PTPRE: variants seen among roughly 807,000 people sequenced by gnomAD.
PTPRE encodes receptor-type tyrosine-protein phosphatase epsilon.
A neutral mutation model predicts 102.0 loss-of-function variants in PTPRE; 51 were observed. That is an observed-to-expected ratio of 0.50 (90% CI 0.40 to 0.63). The LOEUF (loss-of-function observed/expected upper bound fraction) is 0.63, where lower values mean the gene tolerates loss of function less well. Ranked by LOEUF, PTPRE falls within the 30% of genes least tolerant of loss-of-function variation. PTPRE has a pLI of 0.00. For missense variants in PTPRE, 752 were observed against 915.1 expected (o/e 0.82, Z 2.30); for synonymous variants, 345 against 348.2 (o/e 0.99, Z 0.10).
intron 2 of PTPRE, among the ~76,000 whole-genome samples, chr10:127,992,593 G>A (rs1852788196): frequency 6.6e-6 from 1 of 152,158 alleles, no homozygotes; most frequent in East Asian, 1.9e-4. Context: ...GGGCCTCGGG[G>A]CACTCAGGAA....
chr10:127,910,060 T>C (rs1589708151), intron 1 of PTPRE, among the ~76,000 whole-genome samples: 1 of 152,234 alleles, frequency 6.6e-6, no homozygotes, highest in Non-Finnish European at 1.5e-5. Flanking sequence ...CTTTTTCATT[T>C]ATAACATTTG....
chr10:128,067,813 G>A (rs530117097), intron 11 of PTPRE, among the ~76,000 whole-genome samples: 1 of 152,310 alleles, frequency 6.6e-6, no homozygotes, highest in East Asian at 1.9e-4. Context: ...GGCCATGGCC[G>A]CCCTGCTTGC....
At chr10:127,966,444 A>G (rs1393139738) in intron 1 of PTPRE, among the ~76,000 whole-genome samples, 1 of 152,202 alleles carries the variant, frequency 6.6e-6, no homozygotes, top group East Asian at 1.9e-4. Context: ...GGCCATGATA[A>G]AAATCAGTAT....
At chr10:128,023,368 C>T (rs868575050) in intron 2 of PTPRE, among the ~76,000 whole-genome samples, 10 of 151,354 alleles carry the variant, frequency 6.6e-5, no homozygotes, top group African/African-American at 1.9e-4. Flanking sequence ...ATACATAGTA[C>T]GTATAGGAAA....
intron 2 of PTPRE, among the ~76,000 whole-genome samples, chr10:128,018,543 G>A (rs1845615839): frequency 6.6e-6 from 1 of 152,208 alleles, no homozygotes; most frequent in Non-Finnish European, 1.5e-5. Context: ...CCTAGAGCAG[G>A]AGGCGGTGTT....
intron 15 of PTPRE, chr10:128,071,565 C>T (rs1040181165): frequency 6.4e-6 from 1 of 155,194 alleles, no homozygotes; most frequent in African/African-American, 2.4e-5. Context: ...AAACCCGGCC[C>T]CAAAGCAGAC....
intron 20 of PTPRE, among the ~76,000 whole-genome samples, chr10:128,080,910 A>G (rs1461687612): frequency 6.6e-6 from 1 of 152,216 alleles, no homozygotes; most frequent in South Asian, 2.1e-4. Flanking sequence ...GCGCAGTGCA[A>G]CCAGGTGCCT....
At chr10:127,996,732 C>T (rs558954590) in intron 2 of PTPRE, among the ~76,000 whole-genome samples, 82 of 152,322 alleles carry the variant, frequency 5.4e-4, no homozygotes, top group African/African-American at 1.9e-3. Flanking sequence ...CAGGCACACG[C>T]AGGCTCCGAG....
intron 1 of PTPRE, among the ~76,000 whole-genome samples, chr10:127,947,110 A>G (rs954585621): frequency 2.4e-4 from 36 of 152,076 alleles, no homozygotes; most frequent in African/African-American, 8.0e-4. Context: ...GGTTTACGCC[A>G]TGGGACAGCC....
chr10:128,033,070 A>G (rs1846907066), intron 2 of PTPRE, among the ~76,000 whole-genome samples: 1 of 152,234 alleles, frequency 6.6e-6, no homozygotes. Context: ...GTCGCTGACC[A>G]CGTAGAAGCC....
At chr10:127,925,275 A>T (rs1243456467) in intron 1 of PTPRE, among the ~76,000 whole-genome samples, 1 of 152,194 alleles carries the variant, frequency 6.6e-6, no homozygotes, top group South Asian at 2.1e-4. Flanking sequence ...TGTCTTTAGG[A>T]CCTAGCCTGG....
intron 2 of PTPRE, among the ~76,000 whole-genome samples, chr10:127,995,941 G>A (rs558903064): frequency 2.0e-5 from 3 of 152,208 alleles, no homozygotes; most frequent in Admixed American, 6.5e-5. Context: ...ATGGAGGGGG[G>A]CTTTCTTTGA....
chr10:127,991,541 C>A (rs137941750), intron 2 of PTPRE, among the ~76,000 whole-genome samples: 4 of 152,306 alleles, frequency 2.6e-5, no homozygotes, highest in Admixed American at 2.6e-4. Context: ...ATGGAATGCT[C>A]TCTAGAAAAG....
intron 1 of PTPRE, among the ~76,000 whole-genome samples, chr10:127,914,361 G>C (rs146631849): frequency 6.6e-6 from 1 of 152,298 alleles, no homozygotes; most frequent in African/African-American, 2.4e-5. Context: ...ACACAGCACA[G>C]GTGGAAATAC....
chr10:127,925,386 G>C (rs1282565023), intron 1 of PTPRE, among the ~76,000 whole-genome samples: 2 of 152,192 alleles, frequency 1.3e-5, no homozygotes, highest in Non-Finnish European at 2.9e-5. Context: ...AGTATGTATG[G>C]GTGAGGGATC....
chr10:127,913,145 C>T (rs889243428), intron 1 of PTPRE, among the ~76,000 whole-genome samples: 8 of 152,106 alleles, frequency 5.3e-5, no homozygotes, highest in African/African-American at 1.2e-4. Context: ...GCACGGGGAT[C>T]GGTGGAGGTG....
At chr10:128,060,801 T>C (rs11016046) in intron 7 of PTPRE, 138 bp from the exon 8 acceptor site, 571,999 of 701,966 alleles carry the variant, frequency 0.81, 234,410 homozygotes, top group African/African-American at 0.93. Flanking sequence ...CTGCCATCCC[T>C]GGTGTCGCTG....
At chr10:128,021,155 A>G (rs1355103790) in intron 2 of PTPRE, among the ~76,000 whole-genome samples, 2 of 152,140 alleles carry the variant, frequency 1.3e-5, no homozygotes, top group African/African-American at 4.8e-5. Context: ...TTGGCCTCCC[A>G]AAGTGCTGGG....
chr10:128,056,802 A>T (rs1244160564), intron 7 of PTPRE, among the ~76,000 whole-genome samples: 1 of 151,102 alleles, frequency 6.6e-6, no homozygotes, highest in Non-Finnish European at 1.5e-5. Flanking sequence ...GAGCAGACGG[A>T]TGTGTGCGGG....
Sources: allele counts gnomAD v4.1 joint callset (sites outside exome capture counted in the v4.1 genomes callset), GRCh38; gene constraint gnomAD v4.1.1; transcripts MANE v1.5; gene names NCBI Gene and HGNC (gene_info 2026-07-23, HGNC 2026-07-21).